Variants in ADARB2 observed in about 807,000 individuals in gnomAD.
ADARB2 encodes inactive double-stranded RNA-specific editase B2.
A neutral mutation model predicts 62.2 loss-of-function variants in ADARB2; 25 were observed. That is an observed-to-expected ratio of 0.40 (90% confidence interval 0.29 to 0.56). ADARB2 has a LOEUF of 0.56. Among genes scored for constraint, ADARB2 ranks in the 20% least tolerant of loss-of-function variants. ADARB2 has a pLI of 0.43. For missense variants in ADARB2, 1,071 were observed against 1,077.4 expected, an observed-to-expected ratio of 0.99 and a Z score of 0.08; for synonymous variants, 572 against 500.8, an observed-to-expected ratio of 1.14 and a Z score of -1.90.
intron 1 of ADARB2, among the ~76,000 whole-genome samples, chr10:1,453,989 G>C (rs536044537): frequency 6.6e-6 from 1 of 152,262 alleles, no homozygotes; most frequent in East Asian, 1.9e-4. Flanking sequence ...ATAGTGTATT[G>C]GTCTGCTCTC....
At chr10:1,713,748 G>A (rs1460103828) in intron 1 of ADARB2, among the ~76,000 whole-genome samples, 3 of 152,206 alleles carry the variant, frequency 2.0e-5, no homozygotes, top group Non-Finnish European at 4.4e-5. Flanking sequence ...GTCCCGTGGG[G>A]AACATGGAAA....
chr10:1,228,005 T>G (rs1010262593), intron 6 of ADARB2, among the ~76,000 whole-genome samples: 7 of 152,240 alleles, frequency 4.6e-5, no homozygotes, highest in Admixed American at 2.6e-4. Context: ...GCACGGATAT[T>G]ATCATATTTT....
At chr10:1,327,955 T>TCCCCACAGCACAGCACCTC (rs1831890330) in intron 3 of ADARB2, among the ~76,000 whole-genome samples, 1 of 104,494 alleles carries the variant, frequency 9.6e-6, no homozygotes, top group Non-Finnish European at 2.2e-5. Context: ...CAGTTCAGTG[T>TCCCCACAGCACAGCACCTC]CTCACCAGTA....
chr10:1,725,155 T>C (rs1835147670), intron 1 of ADARB2, among the ~76,000 whole-genome samples: 1 of 152,272 alleles, frequency 6.6e-6, no homozygotes, highest in East Asian at 1.9e-4. Context: ...CCTCCCTGCA[T>C]CGTGCTAACC....
At chr10:1,700,385 T>G (rs373486364) in intron 1 of ADARB2, among the ~76,000 whole-genome samples, 3 of 2,228 alleles carry the variant, frequency 1.3e-3, no homozygotes, top group African/African-American at 1.8e-3. Context: ...GCCAATACAC[T>G]CAATCCCACT....
At chr10:1,561,294 G>A (rs1428433601) in intron 1 of ADARB2, among the ~76,000 whole-genome samples, 4 of 152,220 alleles carry the variant, frequency 2.6e-5, no homozygotes, top group African/African-American at 7.2e-5. Context: ...GGGACTGGAT[G>A]TCATAGACCC....
chr10:1,426,558 C>T lies in ADARB2; in HGVS notation c.101-47398G>A, dbSNP rs1259555292. On this transcript the variant is annotated intron_variant, in intron 1 of 9. Transcript: ENST00000381312. This position sits in a 1 kb window ranked among gnomAD's most constrained non-coding sequence, Gnocchi z 4.1. ...GTGAGGCCTCAGTTCTGCCTCTCTC[C>T]CCTGTTGTGGCCTTGGAAGGAAAAG... Among the ~76,000 whole-genome samples, 3 of 152,262 alleles carry T rather than the reference C, an allele frequency of 2.0e-5. No homozygotes were observed. The highest frequency in any genetic ancestry group is 3.4e-3 in the Middle Eastern group (1 of 294).
chr10:1,318,419 C>G (rs74118225), intron 3 of ADARB2, among the ~76,000 whole-genome samples: 6,157 of 152,198 alleles, frequency 0.04, 143 homozygotes, highest in South Asian at 0.081. Context: ...TGGGCTGGGC[C>G]GGAGGGATGT....
intron 1 of ADARB2, among the ~76,000 whole-genome samples, chr10:1,468,084 A>C (rs1031146337): frequency 6.6e-6 from 1 of 152,382 alleles, no homozygotes; most frequent in South Asian, 2.1e-4. Flanking sequence ...TATGTCATCT[A>C]TATGACATTG....
intron 2 of ADARB2, among the ~76,000 whole-genome samples, chr10:1,376,402 C>A (rs1832429768): frequency 6.6e-6 from 1 of 152,206 alleles, no homozygotes; most frequent in African/African-American, 2.4e-5. Context: ...ATGTTCACAG[C>A]CCAAGGCAGC....
At chr10:1,211,923 CTTAT>C (rs1483110201) in intron 7 of ADARB2, among the ~76,000 whole-genome samples, 1 of 152,208 alleles carries the variant, frequency 6.6e-6, no homozygotes, top group Non-Finnish European at 1.5e-5. Context: ...TTAATAATGA[CTTAT>C]TTGACAACCA....
At chr10:1,355,902 T>A (rs1832190609) in intron 3 of ADARB2, among the ~76,000 whole-genome samples, 1 of 152,200 alleles carries the variant, frequency 6.6e-6, no homozygotes, top group Non-Finnish European at 1.5e-5. Flanking sequence ...TTTATACATA[T>A]GTTATAGAAA....
At chr10:1,600,386 C>A (rs1833394697) in intron 1 of ADARB2, among the ~76,000 whole-genome samples, 1 of 152,062 alleles carries the variant, frequency 6.6e-6, no homozygotes, top group South Asian at 2.1e-4. Flanking sequence ...GGAGGCCGGG[C>A]ACAGTGGCTC....
intron 7 of ADARB2, among the ~76,000 whole-genome samples, chr10:1,214,073 A>ATAGGTTTGCACCTGTGTCCAGCATCGTG (rs1473217900): frequency 1.1e-4 from 15 of 142,604 alleles, no homozygotes; most frequent in Non-Finnish European, 2.1e-4. Context: ...CCGGTGACAC[A>ATAGGTTTGCACCTGTGTCCAGCATCGTG]TAGGTTTGCA....
At chr10:1,446,445 GTTACTATTTTTCCCAC>G (rs1830971321) in intron 1 of ADARB2, among the ~76,000 whole-genome samples, 1 of 152,218 alleles carries the variant, frequency 6.6e-6, no homozygotes, top group African/African-American at 2.4e-5. Flanking sequence ...TGACACAGTT[GTTACTATTTTTCCCAC>G]TTAACAAATG....
intron 3 of ADARB2, among the ~76,000 whole-genome samples, chr10:1,287,291 G>A (rs1006431057): frequency 2.6e-5 from 4 of 152,234 alleles, no homozygotes; most frequent in African/African-American, 7.2e-5. Context: ...TTGTATATAT[G>A]TATTGGGTGC....
intron 1 of ADARB2, among the ~76,000 whole-genome samples, chr10:1,650,139 T>G (rs1166681568): frequency 6.6e-6 from 1 of 152,248 alleles, no homozygotes; most frequent in Non-Finnish European, 1.5e-5. Flanking sequence ...TCTGCAAGAC[T>G]GGCTACGTTC....
At chr10:1,655,142 G>A (rs1834158533) in intron 1 of ADARB2, among the ~76,000 whole-genome samples, 1 of 152,170 alleles carries the variant, frequency 6.6e-6, no homozygotes, top group African/African-American at 2.4e-5. Flanking sequence ...TTTCCTTGAG[G>A]TTTCTCTGTA....
At chr10:1,195,561 T>G (rs1836898787) in intron 8 of ADARB2, among the ~76,000 whole-genome samples, 1 of 151,696 alleles carries the variant, frequency 6.6e-6, no homozygotes. Context: ...AAGCTCAGAG[T>G]TTTGACTCCA....
Sources: gnomAD v4.1 joint callset for allele counts (sites outside exome capture counted in the v4.1 genomes callset) on GRCh38, gnomAD v4.1.1 for gene constraint, Gnocchi (gnomAD v3.1) non-coding constraint, MANE v1.5 for transcripts, NCBI Gene and HGNC (gene_info 2026-07-23, HGNC 2026-07-21) for gene names.